The following CDH12 variants were observed in gnomAD, a reference collection of about 807,000 sequenced individuals.
CDH12 encodes cadherin 12.
CDH12 carries 41 observed loss-of-function variants against 74.1 expected under a neutral mutation model. That is an observed-to-expected ratio of 0.55 (90% confidence interval 0.43 to 0.72). The LOEUF is 0.72. Ranked by LOEUF, CDH12 falls within the 30% of genes least tolerant of loss-of-function variation. The pLI, the probability that CDH12 is intolerant of heterozygous loss-of-function variation, is 0.00. For synonymous variants in CDH12, 399 were observed against 355.0 expected, an observed-to-expected ratio of 1.12 and a Z score of -1.39; for missense variants, 945 against 977.2, an observed-to-expected ratio of 0.97 and a Z score of 0.44.
At chr5:22,791,739 A>G (rs1379424504) in intron 1 of CDH12, among the ~76,000 whole-genome samples, 2 of 152,194 alleles carry the variant, frequency 1.3e-5, no homozygotes, top group East Asian at 3.9e-4. Flanking sequence ...CATGTCTTAC[A>G]TGACACCAGG....
intron 1 of CDH12, among the ~76,000 whole-genome samples, chr5:22,589,534 G>T (rs557000953): frequency 6.6e-6 from 1 of 152,124 alleles, no homozygotes; most frequent in Non-Finnish European, 1.5e-5. Context: ...TTACGTTGAG[G>T]TAATCAAAGA....
At chr5:22,267,854 G>C (rs965012202) in intron 3 of CDH12, among the ~76,000 whole-genome samples, 2 of 152,098 alleles carry the variant, frequency 1.3e-5, no homozygotes, top group African/African-American at 4.8e-5. Flanking sequence ...ACAGAAAATA[G>C]AGCTGAAGCC....
chr5:22,845,947 T>C (rs1461818344), intron 1 of CDH12, among the ~76,000 whole-genome samples: 5 of 152,120 alleles, frequency 3.3e-5, no homozygotes, highest in African/African-American at 1.2e-4. Flanking sequence ...GAGACAATAG[T>C]GTCTGGAGCG....
At chr5:22,488,906 G>C (rs1485174608) in intron 2 of CDH12, among the ~76,000 whole-genome samples, 2 of 151,722 alleles carry the variant, frequency 1.3e-5, no homozygotes, top group African/African-American at 4.8e-5. Context: ...CTAGAGAACT[G>C]TGAATGAAAA....
intron 1 of CDH12, among the ~76,000 whole-genome samples, chr5:22,648,988 T>C (rs755303118): frequency 6.6e-6 from 1 of 151,380 alleles, no homozygotes; most frequent in African/African-American, 2.4e-5. Flanking sequence ...ATGCTAATTA[T>C]GAATATATGA....
chr5:22,260,727 T>C (rs1020554189), intron 3 of CDH12, among the ~76,000 whole-genome samples: 1 of 152,018 alleles, frequency 6.6e-6, no homozygotes, highest in Non-Finnish European at 1.5e-5. Context: ...TCATAAAAGA[T>C]ACAAATGATC....
chr5:22,076,163 G>T (rs537086200), intron 5 of CDH12, among the ~76,000 whole-genome samples: 33 of 152,170 alleles, frequency 2.2e-4, no homozygotes, highest in African/African-American at 7.5e-4. Context: ...TGTACCAGCG[G>T]AAATAATGCT....
chr5:21,884,675 A>C (rs1561272630), intron 6 of CDH12, among the ~76,000 whole-genome samples: 1 of 152,204 alleles, frequency 6.6e-6, no homozygotes, highest in Non-Finnish European at 1.5e-5. Flanking sequence ...TGAGAAGTTA[A>C]GCAGCCTTTC....
chr5:22,267,793 C>A (rs540348337), intron 3 of CDH12, among the ~76,000 whole-genome samples: 3 of 152,126 alleles, frequency 2.0e-5, no homozygotes, highest in Admixed American at 2.0e-4. Flanking sequence ...ATTACCAGAT[C>A]CAACTTGATA....
intron 1 of CDH12, among the ~76,000 whole-genome samples, chr5:22,762,518 G>A (rs1054994630): frequency 6.6e-6 from 1 of 151,888 alleles, no homozygotes; most frequent in African/African-American, 2.4e-5. Context: ...TTCTTGAATG[G>A]GGCAGAAAGT....
chr5:22,844,507 T>C (rs1250220450), intron 1 of CDH12, among the ~76,000 whole-genome samples: 1 of 152,136 alleles, frequency 6.6e-6, no homozygotes, highest in African/African-American at 2.4e-5. Flanking sequence ...AATCTGAGCT[T>C]GTACAAAATT....
At chr5:22,680,117 G>A (rs1741416665) in intron 1 of CDH12, among the ~76,000 whole-genome samples, 1 of 152,060 alleles carries the variant, frequency 6.6e-6, no homozygotes, top group Admixed American at 6.6e-5. Context: ...AAGGGAGAAG[G>A]GGCAGGATGG....
At chr5:22,426,318 A>C (rs2126509577) in intron 2 of CDH12, among the ~76,000 whole-genome samples, 1 of 148,958 alleles carries the variant, frequency 6.7e-6, no homozygotes, top group East Asian at 2.0e-4. Context: ...TTATTTTTAT[A>C]TTGTTTTATT....
chr5:22,437,264 C>G (rs1216117369), intron 2 of CDH12, among the ~76,000 whole-genome samples: 1 of 151,628 alleles, frequency 6.6e-6, no homozygotes, highest in Non-Finnish European at 1.5e-5. Context: ...ATAATTTTAT[C>G]TACTTGGATT....
At chr5:21,818,550 T>A (rs1291350674) in intron 8 of CDH12, among the ~76,000 whole-genome samples, 1 of 151,938 alleles carries the variant, frequency 6.6e-6, no homozygotes, top group African/African-American at 2.4e-5. Context: ...GAAAATGGTA[T>A]CTACCATTTA....
intron 1 of CDH12, among the ~76,000 whole-genome samples, chr5:22,508,342 C>T (rs545338447): frequency 1.3e-5 from 2 of 152,268 alleles, no homozygotes; most frequent in South Asian, 4.1e-4. Context: ...TACTTTGCAA[C>T]CTGACTCAGG....
chr5:22,852,330 T>G (rs1186589948), intron 1 of CDH12, among the ~76,000 whole-genome samples: 1 of 152,218 alleles, frequency 6.6e-6, no homozygotes, highest in African/African-American at 2.4e-5. Flanking sequence ...AAAATACTTA[T>G]AAAATGCTGA....
chr5:22,606,131 C>A (rs896815149), intron 1 of CDH12, among the ~76,000 whole-genome samples: 3 of 152,210 alleles, frequency 2.0e-5, no homozygotes, highest in African/African-American at 7.2e-5. Flanking sequence ...AGCAGTCAGG[C>A]AAGCAGCTTG....
At chr5:21,906,259 C>T (rs187676429) in intron 6 of CDH12, among the ~76,000 whole-genome samples, 1 of 152,220 alleles carries the variant, frequency 6.6e-6, no homozygotes, top group Non-Finnish European at 1.5e-5. Flanking sequence ...TGACTTCAGT[C>T]ATTTCTTTTA....
Sources: gnomAD v4.1 joint callset for allele counts (sites outside exome capture counted in the v4.1 genomes callset) on GRCh38, gnomAD v4.1.1 for gene constraint, MANE v1.5 for transcripts, NCBI Gene and HGNC (gene_info 2026-07-23, HGNC 2026-07-21) for gene names.